Variants in PADI4 observed in about 807,000 individuals in gnomAD.
PADI4 encodes the protein protein-arginine deiminase type-4.
PADI4 carries 62 observed loss-of-function variants against 75.0 expected under a neutral mutation model. The ratio of observed to expected loss-of-function variants is 0.83; its 90% CI spans 0.67 to 1.02. PADI4 has a LOEUF of 1.02. Among genes scored for constraint, PADI4 ranks in the 50% least tolerant of loss-of-function variants. The probability of loss-of-function intolerance (pLI) is 0.00; values close to 1 mark genes in which losing one functional copy is unlikely to be tolerated. For missense variants in PADI4, 845 were observed against 850.5 expected, an observed-to-expected ratio of 0.99 and a Z score of 0.08; for synonymous variants, 361 against 348.1, an observed-to-expected ratio of 1.04 and a Z score of -0.41.
chr1:17,344,904 C>T (rs985502622), intron 8 of PADI4, among the ~76,000 whole-genome samples: 6 of 152,238 alleles, frequency 3.9e-5, no homozygotes, highest in African/African-American at 1.2e-4. Flanking sequence ...CCTACTGGGA[C>T]ACCACGTAGT....
At chr1:17,329,890 TA>T (rs2074179856) in intron 1 of PADI4, among the ~76,000 whole-genome samples, 1 of 152,234 alleles carries the variant, frequency 6.6e-6, no homozygotes. Context: ...CATGTGTGTG[TA>T]TGTTTGTGTG....
chr1:17,308,999 G>A (rs2073727547), intron 1 of PADI4, among the ~76,000 whole-genome samples: 1 of 152,142 alleles, frequency 6.6e-6, no homozygotes, highest in Non-Finnish European at 1.5e-5. Context: ...TTTAACAAAT[G>A]CTGAGTGCCA....
intron 1 of PADI4, among the ~76,000 whole-genome samples, chr1:17,326,417 T>C (rs576660601): frequency 8.5e-5 from 13 of 152,366 alleles, no homozygotes; most frequent in African/African-American, 3.1e-4. Flanking sequence ...TATTGCTCAG[T>C]CCTAAGTATT....
intron 1 of PADI4, among the ~76,000 whole-genome samples, chr1:17,317,037 C>T (rs1277813700): frequency 6.6e-6 from 1 of 152,176 alleles, no homozygotes; most frequent in Non-Finnish European, 1.5e-5. Context: ...TCTCTCCAGC[C>T]TCAGTTTCTT....
intron 1 of PADI4, among the ~76,000 whole-genome samples, chr1:17,322,489 C>CA (rs1222248691): frequency 8.3e-6 from 1 of 120,886 alleles, no homozygotes; most frequent in Non-Finnish European, 1.7e-5. Context: ...ACTCCATCCC[C>CA]CCCCAAAAAA....
chr1:17,362,318 A>T (rs1282101189), intron 15 of PADI4, among the ~76,000 whole-genome samples: 2 of 149,146 alleles, frequency 1.3e-5, no homozygotes, highest in African/African-American at 5.0e-5. Context: ...GCACCACTGA[A>T]CTCTAGCCTG....
intron 9 of PADI4, among the ~76,000 whole-genome samples, chr1:17,347,380 C>G (rs563493276): frequency 6.6e-6 from 1 of 152,312 alleles, no homozygotes; most frequent in South Asian, 2.1e-4. Flanking sequence ...CACCTGCCTG[C>G]TAGAATACAA....
chr1:17,338,997 G>A (rs1258355075), intron 5 of PADI4, among the ~76,000 whole-genome samples: 2 of 152,146 alleles, frequency 1.3e-5, no homozygotes, highest in Admixed American at 1.3e-4. Flanking sequence ...CTCCCGGGGT[G>A]CCAAGAGCTG....
chr1:17,337,498 T>A (rs2074335043), intron 4 of PADI4, among the ~76,000 whole-genome samples: 1 of 152,150 alleles, frequency 6.6e-6, no homozygotes, highest in Non-Finnish European at 1.5e-5. Flanking sequence ...GCTCCTTTTT[T>A]TAAATGGATG....
chr1:17,326,171 T>A (rs1162272252), intron 1 of PADI4, among the ~76,000 whole-genome samples: 1 of 152,226 alleles, frequency 6.6e-6, no homozygotes, highest in Non-Finnish European at 1.5e-5. Context: ...TCTTGATCAA[T>A]GTTGCCAGAG....
chr1:17,314,490 C>G (rs1005673038), intron 1 of PADI4, among the ~76,000 whole-genome samples: 1 of 152,214 alleles, frequency 6.6e-6, no homozygotes, highest in African/African-American at 2.4e-5. Context: ...GAACTGCCCC[C>G]TGGGCTGAGC....
intron 1 of PADI4, among the ~76,000 whole-genome samples, chr1:17,309,396 T>C (rs1346188433): frequency 1.3e-5 from 2 of 152,132 alleles, no homozygotes; most frequent in Non-Finnish European, 2.9e-5. Flanking sequence ...ACTGTCTTTG[T>C]TTCTTGCCTC....
chr1:17,355,243 A>G (rs1053439419), intron 11 of PADI4, among the ~76,000 whole-genome samples: 1 of 152,204 alleles, frequency 6.6e-6, no homozygotes, highest in Non-Finnish European at 1.5e-5. Flanking sequence ...CAAGGCCAGG[A>G]TGGCTAGAAC....
At chr1:17,350,551 C>A (rs74632628) in intron 10 of PADI4, among the ~76,000 whole-genome samples, 3,544 of 130,612 alleles carry the variant, frequency 0.027, 916 homozygotes, top group Non-Finnish European at 0.047. Context: ...GGCCGCATCA[C>A]CTGGCATCCA....
intron 1 of PADI4, among the ~76,000 whole-genome samples, chr1:17,323,811 C>G (rs1452435459): frequency 6.6e-6 from 1 of 151,742 alleles, no homozygotes; most frequent in East Asian, 1.9e-4. Flanking sequence ...CCAGCCTGGG[C>G]AACAGAGATC....
In PADI4 at chr1:17,358,681, T is replaced by C. The variant is rs1420998665; in HGVS notation, c.1559-157T>C. On this transcript the variant is annotated intron_variant, in intron 13 of 15. Coordinates refer to ENST00000375448, the MANE Select transcript of PADI4 (RefSeq NM_012387.3). ...CTGCTAAAATATTGTATTAAAGATA[T>C]TTGACTTGCAGATGCTCACAGCAAA... Among the ~76,000 whole-genome samples the C allele has an allele frequency of 7.2e-5, 11 of 152,318 alleles. No individual in the cohort carries two copies. In the East Asian group the frequency reaches 1.9e-3, roughly 27 times the overall value.
Position 17,318,650 on chromosome 1 carries a change from A to C in PADI4, c.92+10336A>C, listed in dbSNP as rs189428255. ...TTTATATTTTCACCTTTTGCCGTTC[A>C]TATGCACACAAGGCGAAAATTGGCA... On this transcript the variant is annotated intron_variant, in intron 1 of 15. Coordinates refer to ENST00000375448, the MANE Select transcript of PADI4 (RefSeq NM_012387.3). 4.3e-4 allele frequency among the ~76,000 whole-genome samples: 65 copies of C among 151,478 alleles called. 1 individual carries two copies. Among genetic ancestry groups the C allele is most frequent in the African/African-American group, 1.5e-3 (64 of 41,322 alleles).
intron 6 of PADI4, among the ~76,000 whole-genome samples, chr1:17,340,751 T>G (rs1203041607): frequency 6.7e-6 from 1 of 149,880 alleles, no homozygotes; most frequent in Non-Finnish European, 1.5e-5. Context: ...GGCCTGACAA[T>G]CATTCTGATC....
intron 10 of PADI4, among the ~76,000 whole-genome samples, chr1:17,351,956 AGG>A (rs1491546016): frequency 0.02 from 2,257 of 110,850 alleles, 86 homozygotes; most frequent in Non-Finnish European, 0.024. Context: ...GGGAGGTGGG[AGG>A]AGAGGCGGCC....
Sources: allele counts gnomAD v4.1 joint callset (sites outside exome capture counted in the v4.1 genomes callset), GRCh38; gene constraint gnomAD v4.1.1; transcripts MANE v1.5; gene names NCBI Gene and HGNC (gene_info 2026-07-23, HGNC 2026-07-21).